The following TPMT variants were observed in gnomAD, a reference collection of about 807,000 sequenced individuals.
TPMT encodes thiopurine S-methyltransferase.
Under a neutral mutation model 34.2 loss-of-function variants are expected in TPMT, and 18 were observed. The ratio of observed to expected loss-of-function variants is 0.53; its 90% confidence interval spans 0.36 to 0.78. TPMT has a LOEUF of 0.78. TPMT is among the 30% of genes least tolerant of loss of function. The probability of loss-of-function intolerance (pLI) is 0.00; values close to 1 mark genes in which losing one functional copy is unlikely to be tolerated. For synonymous variants in TPMT, 69 were observed against 92.4 expected, an observed-to-expected ratio of 0.75 and a Z score of 1.45; for missense variants, 265 against 288.1, an observed-to-expected ratio of 0.92 and a Z score of 0.58.
rs1465152668 is a variant in TPMT at position 18,140,256 on chromosome 6, A to G, written c.367-539T>C. ...CACAGTCTCTGACCACAGTGAGGACAGACTAGAGCAGAGAAGCGTGGGCAC... is the reference window on the plus strand; with the variant it reads ...CACAGTCTCTGACCACAGTGAGGACGGACTAGAGCAGAGAAGCGTGGGCAC... On this transcript the variant is annotated intron_variant, in intron 4 of 8. Coordinates refer to ENST00000309983, the MANE Select transcript of TPMT (RefSeq NM_000367.5). The surrounding 1 kb of genome is among the most constrained non-coding windows in gnomAD (Gnocchi z 4.7). Among the ~76,000 whole-genome samples, 1 of 152,214 alleles carries G rather than the reference A, an allele frequency of 6.6e-6. No homozygotes were observed. Among genetic ancestry groups the G allele is most frequent in the Non-Finnish European group, 1.5e-5 (1 of 68,034 alleles).
rs925977182 is a variant in TPMT, at chr6:18,143,275, C to T, written c.366+321G>A. Among the ~76,000 whole-genome samples the T allele has an allele frequency of 6.6e-6, 1 of 152,114 alleles. No individual in the cohort carries two copies. Among genetic ancestry groups the T allele is most frequent in the African/African-American group, 2.4e-5 (1 of 41,410 alleles). ...GAGTGAGGGGGGTGTGCTGTGTTAT[C>T]TTTATCTCTTCAATGTCTTAGGCAG... On this transcript the variant is annotated intron_variant, in intron 4 of 8. Transcript: ENST00000309983. This position sits in a 1 kb window ranked among gnomAD's most constrained non-coding sequence, Gnocchi z 6.1.
Position 18,145,141 on chromosome 6 carries a change from A to T in TPMT, c.234-1413T>A, listed in dbSNP as rs2518462. On this transcript the variant is annotated intron_variant, in intron 3 of 8. Coordinates refer to ENST00000309983, the MANE Select transcript of TPMT (RefSeq NM_000367.5). This position sits in a 1 kb window ranked among gnomAD's most constrained non-coding sequence, Gnocchi z 5.6. Reference sequence around the variant, plus strand: ...AACATAGTTCTGCTATAATGTAACAAGTGCCTTCCTAAAATCACTGCACTA... The same window carrying T: ...AACATAGTTCTGCTATAATGTAACATGTGCCTTCCTAAAATCACTGCACTA... 0.56 allele frequency among the ~76,000 whole-genome samples: 85,385 copies of T among 152,022 alleles called. 24,364 individuals carry two copies. The highest frequency in any genetic ancestry group is 0.66 in the African/African-American group (27,236 of 41,458).
chr6:18,141,871 C>A (rs1165733678), intron 4 of TPMT, among the ~76,000 whole-genome samples: 1 of 152,224 alleles, frequency 6.6e-6, no homozygotes, highest in African/African-American at 2.4e-5. Context: ...GAGCTGCAGA[C>A]ATAGATGCCG....
Position 18,132,560 on chromosome 6 carries a change from A to C in TPMT, c.581-383T>G, listed in dbSNP as rs540639302. ...CAGGATATAGAGTATAAGGAAGCTG[A>C]GCTTCCGCCCCCTTCTAAGAGCAGT... is the stretch of plus-strand genomic sequence containing the variant. On this transcript the variant is annotated intron_variant, in intron 7 of 8. Coordinates refer to ENST00000309983, the MANE Select transcript of TPMT (RefSeq NM_000367.5). The surrounding 1 kb of genome is among the most constrained non-coding windows in gnomAD (Gnocchi z 4.8). Among the ~76,000 whole-genome samples, 3 of 152,170 alleles carry C rather than the reference A, an allele frequency of 2.0e-5. No individual in the cohort carries two copies. In the East Asian group the frequency reaches 5.8e-4, roughly 29 times the overall value.
intron 4 of TPMT, among the ~76,000 whole-genome samples, chr6:18,142,357 G>A (rs1264145429): frequency 2.0e-5 from 3 of 152,010 alleles, no homozygotes; most frequent in Admixed American, 1.3e-4. Context: ...ATGACTGCCA[G>A]CTTCCCTGAT....
Position 18,131,959 on chromosome 6 carries a change from T to C in TPMT, c.625+174A>G, listed in dbSNP as rs1783953593. ...CACTGGCCTAATTTTTGTATTTTTG[T>C]AGAGACAGGGTTTCGCCATGTTGGC... On this transcript the variant is annotated intron_variant, in intron 8 of 8. Coordinates refer to ENST00000309983, the MANE Select transcript of TPMT (RefSeq NM_000367.5). The surrounding 1 kb of genome is among the most constrained non-coding windows in gnomAD (Gnocchi z 4.3). Among the ~76,000 whole-genome samples, 3 of 152,154 alleles carry C rather than the reference T, an allele frequency of 2.0e-5. No homozygotes were observed. Among genetic ancestry groups the C allele is most frequent in the Admixed American group, 2.0e-4 (3 of 15,266 alleles).
chr6:18,140,001 T>C lies in TPMT; in HGVS notation c.367-284A>G, dbSNP rs956537649. Among the ~76,000 whole-genome samples the C allele has an allele frequency of 6.6e-6, 1 of 152,188 alleles. No homozygotes were observed. The highest frequency in any genetic ancestry group is 2.4e-5 in the African/African-American group (1 of 41,452). Reference sequence around the variant, plus strand: ...AGCTTGCTATAAAATTCTAACAATGTTTCCTCGAGCAGAGTGATATTTTTA... The same window carrying C: ...AGCTTGCTATAAAATTCTAACAATGCTTCCTCGAGCAGAGTGATATTTTTA... On this transcript the variant is annotated intron_variant, in intron 4 of 8. Transcript: ENST00000309983. This position sits in a 1 kb window ranked among gnomAD's most constrained non-coding sequence, Gnocchi z 4.7.
rs747615886 is a variant in TPMT at position 18,149,081 on chromosome 6, G to A, written c.47C>T (p.Thr16Ile). The A allele has an allele frequency of 6.2e-7, 1 of 1,613,996 alleles. No homozygotes were observed. Among genetic ancestry groups the A allele is most frequent in the South Asian group, 1.1e-5 (1 of 91,078 alleles). Residue 16 changes from threonine (T) to isoleucine (I), a missense_variant, in exon 2 of 9, where the codon ACT becomes ATT. Transcript: ENST00000309983. This position sits in a 1 kb window ranked among gnomAD's most constrained non-coding sequence, Gnocchi z 5.0. ...TSLDIEEYSD[T>I]EVQKNQVLTL... Reference sequence around the variant, plus strand: ...TAGTACTTGGTTTTTCTGTACCTCAGTATCCGAGTACTCTTCAATGTCAAG... The same window carrying A: ...TAGTACTTGGTTTTTCTGTACCTCAATATCCGAGTACTCTTCAATGTCAAG...
In TPMT at chr6:18,153,209, A is replaced by G. The variant is rs1375486192; in HGVS notation, c.-45+1824T>C. Among the ~76,000 whole-genome samples, 1 of 152,196 alleles carries G rather than the reference A, an allele frequency of 6.6e-6. No individual in the cohort carries two copies. Among genetic ancestry groups the G allele is most frequent in the Non-Finnish European group, 1.5e-5 (1 of 68,030 alleles). The stretch of plus-strand genomic sequence containing the variant: ...TGGCCTGCGGCTACACTTCTCAGCC[A>G]GTCAGAATGGCTGCTCTACAGTCTG... On this transcript the variant is annotated intron_variant, in intron 1 of 8. Coordinates refer to ENST00000309983, the MANE Select transcript of TPMT (RefSeq NM_000367.5). This position sits in a 1 kb window ranked among gnomAD's most constrained non-coding sequence, Gnocchi z 4.2.
rs1203596613 is a variant in TPMT at position 18,145,214 on chromosome 6, G to A, written c.234-1486C>T. On this transcript the variant is annotated intron_variant, in intron 3 of 8. Transcript: ENST00000309983. This position sits in a 1 kb window ranked among gnomAD's most constrained non-coding sequence, Gnocchi z 5.6. ...CCCCAGGCTGGTGGGGAAAGTGAGG[G>A]CACAGCATTTAAAAACTTGGTCAGT... Among the ~76,000 whole-genome samples, 1 of 152,162 alleles carries A rather than the reference G, an allele frequency of 6.6e-6. No homozygotes were observed. Among genetic ancestry groups the A allele is most frequent in the African/African-American group, 2.4e-5 (1 of 41,438 alleles).
chr6:18,152,569 CTTTCTTTCCT>C (rs1784371841), intron 1 of TPMT, among the ~76,000 whole-genome samples: 1 of 151,456 alleles, frequency 6.6e-6, no homozygotes, highest in African/African-American at 2.4e-5. Flanking sequence ...TGAAGGCACA[CTTTCTTTCCT>C]TTTCTTTCTT....
At position 18,148,041 on chromosome 6, in the gene TPMT, GC is replaced by G. The variant is rs1433256675; in HGVS notation, c.141-127del. 1 of 745,998 alleles carries G rather than the reference GC, an allele frequency of 1.3e-6. No homozygotes were observed. Among genetic ancestry groups the G allele is most frequent in the African/African-American group, 1.8e-5 (1 of 56,354 alleles). The allele number at this position is 745,998 out of a possible 1,614,324, so 46.2% of individuals were successfully genotyped here. On this transcript the variant is annotated intron_variant, in intron 2 of 8. Coordinates refer to ENST00000309983, the MANE Select transcript of TPMT (RefSeq NM_000367.5). This position sits in a 1 kb window ranked among gnomAD's most constrained non-coding sequence, Gnocchi z 4.1. ...TTACTATTAATTATTATAATCTCCA[GC>G]TTACATATGAAGAAACAGGTAACTT...
rs1300355823 is a variant in TPMT at position 18,138,928 on chromosome 6, T to C, written c.494+35A>G. On this transcript the variant is annotated intron_variant, in intron 6 of 8. Transcript: ENST00000309983. This position sits in a 1 kb window ranked among gnomAD's most constrained non-coding sequence, Gnocchi z 4.1. ...GAAAAAGTATAGTATACTAAAAAAT[T>C]AAGACAGCTAAACAAAAAAAGAAAA... is the stretch of plus-strand genomic sequence containing the variant. The C allele has an allele frequency of 1.9e-6, 3 of 1,576,520 alleles. No individual in the cohort carries two copies. The highest frequency in any genetic ancestry group is 2.2e-5 in the East Asian group (1 of 44,738).
At position 18,148,407 on chromosome 6, in the gene TPMT, T is replaced by C. The variant is rs1313705988; in HGVS notation, c.141-492A>G. On this transcript the variant is annotated intron_variant, in intron 2 of 8. Transcript: ENST00000309983. The surrounding 1 kb of genome is among the most constrained non-coding windows in gnomAD (Gnocchi z 4.1). ...GTTTCTGGTATGATGATGATGATGA[T>C]GATGATGTCATCTCCTGGGGAGATG... 6.6e-6 allele frequency among the ~76,000 whole-genome samples: 1 copy of C among 152,160 alleles called. No homozygotes were observed. Among genetic ancestry groups the C allele is most frequent in the African/African-American group, 2.4e-5 (1 of 41,436 alleles).
chr6:18,139,041 C>T lies in TPMT; in HGVS notation c.420-4G>A, dbSNP rs56019966. Reference sequence around the variant, plus strand: ...GTCAAATTTGCCAATATTTGTCCTACCAGAAAGAGAAAAAACATTTTATGG... The same window carrying T: ...GTCAAATTTGCCAATATTTGTCCTATCAGAAAGAGAAAAAACATTTTATGG... On this transcript the variant is annotated splice_region_variant and splice_polypyrimidine_tract_variant and intron_variant, in intron 5 of 8. Coordinates refer to ENST00000309983, the MANE Select transcript of TPMT (RefSeq NM_000367.5). This position sits in a 1 kb window ranked among gnomAD's most constrained non-coding sequence, Gnocchi z 4.2. 3,401 of 1,613,054 alleles carry T rather than the reference C, an allele frequency of 2.1e-3. 10 individuals are homozygous for T. Among genetic ancestry groups the T allele is most frequent in the Non-Finnish European group, 2.6e-3 (3,120 of 1,179,040 alleles).
intron 4 of TPMT, among the ~76,000 whole-genome samples, chr6:18,141,759 G>GA (rs1784146701): frequency 6.6e-6 from 1 of 152,312 alleles, no homozygotes; most frequent in Non-Finnish European, 1.5e-5. Flanking sequence ...GAGTTAAGAA[G>GA]AAATTACTAA....
rs1226458238 is a variant in TPMT, at chr6:18,139,761, T to C, written c.367-44A>G. 2.8e-6 allele frequency: 4 copies of C among 1,404,598 alleles called. No homozygotes were observed. Among genetic ancestry groups the C allele is most frequent in the Non-Finnish European group, 4.0e-6 (4 of 1,003,084 alleles). 87.0% of individuals were successfully genotyped at this position (1,404,598 alleles called of 1,614,324 possible). A position where few individuals can be genotyped will look rare whatever the true frequency, so the allele number is the denominator to read the frequency against. ...AAAAAAATTTTTTTTTTTTACTTAG[T>C]AAGTACTTGAATAGTCAAGGAAAGA... On this transcript the variant is annotated intron_variant, in intron 4 of 8. Coordinates refer to ENST00000309983, the MANE Select transcript of TPMT (RefSeq NM_000367.5). The surrounding 1 kb of genome is among the most constrained non-coding windows in gnomAD (Gnocchi z 4.2).
rs1784408223 is a variant in TPMT, at chr6:18,153,822, A to T, written c.-45+1211T>A. 6.6e-6 allele frequency among the ~76,000 whole-genome samples: 1 copy of T among 152,262 alleles called. No individual in the cohort carries two copies. The highest frequency in any genetic ancestry group is 1.5e-5 in the Non-Finnish European group (1 of 68,038). ...AGTTCTCTACTTAAAAGAGAAGCAT[A>T]ATCTTTATCAGAGTTCCACAGCAGC... On this transcript the variant is annotated intron_variant, in intron 1 of 8. Transcript: ENST00000309983. This position sits in a 1 kb window ranked among gnomAD's most constrained non-coding sequence, Gnocchi z 4.2.
Position 18,132,865 on chromosome 6 carries a change from G to A in TPMT, c.581-688C>T, listed in dbSNP as rs952123347. Among the ~76,000 whole-genome samples the A allele has an allele frequency of 3.3e-5, 5 of 152,012 alleles. No individual in the cohort carries two copies. The highest frequency in any genetic ancestry group is 1.2e-4 in the African/African-American group (5 of 41,382). On this transcript the variant is annotated intron_variant, in intron 7 of 8. Coordinates refer to ENST00000309983, the MANE Select transcript of TPMT (RefSeq NM_000367.5). The surrounding 1 kb of genome is among the most constrained non-coding windows in gnomAD (Gnocchi z 4.8). ...TCCCAGCACTTTGGGAGGCTGAGGA[G>A]GGCGGATCACCTGAGGTCAGGAGTT...
Sources: gnomAD v4.1 joint callset for allele counts (sites outside exome capture counted in the v4.1 genomes callset) on GRCh38, gnomAD v4.1.1 for gene constraint, Gnocchi (gnomAD v3.1) non-coding constraint, MANE v1.5 for transcripts, NCBI Gene and HGNC (gene_info 2026-07-23, HGNC 2026-07-21) for gene names.